RBL1: variants seen among roughly 807,000 people sequenced by gnomAD.
RBL1 encodes RB transcriptional corepressor like 1.
A neutral mutation model predicts 123.0 loss-of-function variants in RBL1; 82 were observed. That is an observed-to-expected ratio of 0.67 (90% CI 0.56 to 0.80). The LOEUF is 0.80. RBL1 is among the 30% of genes least tolerant of loss of function. The probability of loss-of-function intolerance (pLI) is 0.00; values close to 1 mark genes in which losing one functional copy is unlikely to be tolerated. For missense variants in RBL1, 1,171 were observed against 1,299.6 expected, an observed-to-expected ratio of 0.90 and a Z score of 1.52; for synonymous variants, 405 against 441.3, an observed-to-expected ratio of 0.92 and a Z score of 1.03.
chr20:37,016,155 G>A (rs182993572), intron 19 of RBL1, among the ~76,000 whole-genome samples: 188 of 150,732 alleles, frequency 1.2e-3, no homozygotes, highest in African/African-American at 4.4e-3. Flanking sequence ...AGCCTCCTAA[G>A]TAGCTGGGAT....
At position 37,035,385 on chromosome 20, in the gene RBL1, G is replaced by T; in HGVS notation, c.2027C>A (p.Thr676Lys). 6.2e-7 allele frequency: 1 copy of T among 1,614,054 alleles called. No homozygotes were observed. The highest frequency in any genetic ancestry group is 8.5e-7 in the Non-Finnish European group (1 of 1,179,996). ...PKEMLMDKIITEGTKLKIAPS... is the reference protein window; with the variant it reads ...PKEMLMDKIIKEGTKLKIAPS... ...AGCGATTTTCAATTTTGTTCCTTCTGTTATGATCTTGTCCATAAGCATTTC... is the reference window on the plus strand; with the variant it reads ...AGCGATTTTCAATTTTGTTCCTTCTTTTATGATCTTGTCCATAAGCATTTC... Residue 676 changes from threonine (T) to lysine (K), a missense_variant, in exon 15 of 22, where the codon ACA becomes AAA. Transcript: ENST00000373664.
At chr20:37,005,376 C>A (rs1372396331) in intron 20 of RBL1, among the ~76,000 whole-genome samples, 1 of 150,076 alleles carries the variant, frequency 6.7e-6, no homozygotes, top group African/African-American at 2.5e-5. Context: ...ACTTGCACTC[C>A]AGCCTGGGCA....
At chr20:37,046,640 T>C (rs2064822634) in intron 12 of RBL1, among the ~76,000 whole-genome samples, 1 of 150,580 alleles carries the variant, frequency 6.6e-6, no homozygotes. Context: ...AGAATTTTGC[T>C]CCTGTCGTCT....
In RBL1 at chr20:36,998,164, G is replaced by C. The variant is rs1295576137; in HGVS notation, c.*595C>G. 1 of 151,720 alleles carries C rather than the reference G, an allele frequency of 6.6e-6. No individual in the cohort carries two copies. Among genetic ancestry groups the C allele is most frequent in the Non-Finnish European group, 1.5e-5 (1 of 67,962 alleles). 9.4% of individuals were successfully genotyped at this position (151,720 alleles called of 1,614,324 possible). On this transcript the variant is annotated 3_prime_UTR_variant, in exon 22 of 22. Coordinates refer to ENST00000373664, the MANE Select transcript of RBL1 (RefSeq NM_002895.5). ...TAAAAGAGAGCTAAAAAGTTATGGG[G>C]TTTCTCCTTATTTCATCTTGAAAAC... is the stretch of plus-strand genomic sequence containing the variant.
chr20:37,067,180 T>C, intron 4 of RBL1, 53 bp downstream of exon 4: 7 of 1,562,282 alleles, frequency 4.5e-6, no homozygotes, highest in Non-Finnish European at 8.6e-7. Flanking sequence ...TCATGTCAAA[T>C]AGCACCAAGT....
At chr20:37,030,535 A>G (rs1331367734) in intron 16 of RBL1, among the ~76,000 whole-genome samples, 1 of 151,632 alleles carries the variant, frequency 6.6e-6, no homozygotes, top group Non-Finnish European at 1.5e-5. Flanking sequence ...CCTGGGCAAC[A>G]TGGTGAAACC....
intron 19 of RBL1, among the ~76,000 whole-genome samples, chr20:37,017,789 C>A (rs373417462): frequency 6.6e-6 from 1 of 152,030 alleles, no homozygotes; most frequent in East Asian, 1.9e-4. Flanking sequence ...TACCACCACA[C>A]CTAGCTAATT....
intron 21 of RBL1, among the ~76,000 whole-genome samples, chr20:37,000,416 T>TG (rs1261476458): frequency 1.2e-4 from 10 of 85,048 alleles, no homozygotes; most frequent in South Asian, 4.2e-4. Flanking sequence ...AGGAGGGAGG[T>TG]GGGGGGGTCA....
chr20:37,008,810 T>C (rs1412976401), intron 19 of RBL1, among the ~76,000 whole-genome samples: 2 of 150,554 alleles, frequency 1.3e-5, no homozygotes, highest in Non-Finnish European at 3.0e-5. Context: ...TTTTCACTTC[T>C]GCTATTTCTA....
chr20:37,055,443 A>C (rs1039593284), intron 11 of RBL1, 110 bp downstream of exon 11: 3 of 1,538,746 alleles, frequency 1.9e-6, no homozygotes, highest in African/African-American at 1.4e-5. Context: ...ATCCTGGCCA[A>C]GTGTGTCATA....
intron 9 of RBL1, among the ~76,000 whole-genome samples, chr20:37,058,137 A>AC (rs200725769): frequency 0.14 from 18,119 of 127,926 alleles, 1,638 homozygotes; most frequent in African/African-American, 0.2. Flanking sequence ...AAACAAAACA[A>AC]AACAAAAAAA....
intron 1 of RBL1, among the ~76,000 whole-genome samples, chr20:37,090,309 C>T (rs6103581): frequency 1.3e-4 from 20 of 152,136 alleles, no homozygotes; most frequent in African/African-American, 4.8e-4. Flanking sequence ...ACAAAATCAC[C>T]TAATGTTGCA....
chr20:37,041,592 G>A (rs1184862608), intron 13 of RBL1, among the ~76,000 whole-genome samples: 1 of 151,886 alleles, frequency 6.6e-6, no homozygotes, highest in Non-Finnish European at 1.5e-5. Flanking sequence ...CAAAGTGCTG[G>A]GATTATAGTC....
chr20:37,056,027 A>G (rs1229951677), intron 10 of RBL1, 119 bp downstream of exon 10: 2 of 1,451,108 alleles, frequency 1.4e-6, no homozygotes, highest in East Asian at 5.3e-5. Context: ...AGCCTGGGCA[A>G]CTCGGTCTCA....
chr20:37,035,281 T>C lies in RBL1; in HGVS notation c.2131A>G (p.Thr711Ala), dbSNP rs763218980. Reference sequence around the variant, plus strand: ...GTAACTTTATGTCCTGTTGTTCCTGTTACTGGGGCTGTGGCCATTGTTAGA... The same window carrying C: ...GTAACTTTATGTCCTGTTGTTCCTGCTACTGGGGCTGTGGCCATTGTTAGA... Reference protein sequence around the residue: ...TLLTMATAPVTGTTGHKVTIP... With the variant: ...TLLTMATAPVAGTTGHKVTIP... Residue 711 changes from threonine (T) to alanine (A), a missense_variant, in exon 15 of 22, where the codon ACA (threonine) becomes GCA (alanine). Transcript: ENST00000373664. The C allele has an allele frequency of 1.2e-6, 2 of 1,613,972 alleles. No individual in the cohort carries two copies. Among genetic ancestry groups the C allele is most frequent in the South Asian group, 1.1e-5 (1 of 91,076 alleles).
intron 15 of RBL1, among the ~76,000 whole-genome samples, chr20:37,034,859 T>C (rs2064577523): frequency 6.6e-6 from 1 of 152,016 alleles, no homozygotes; most frequent in South Asian, 2.1e-4. Flanking sequence ...TAGTGACAGA[T>C]ACATGTCATT....
intron 2 of RBL1, among the ~76,000 whole-genome samples, chr20:37,088,559 T>A (rs2065591392): frequency 6.6e-6 from 1 of 152,010 alleles, no homozygotes; most frequent in African/African-American, 2.4e-5. Context: ...ATGTTATAAC[T>A]TAGAATTAAA....
intron 19 of RBL1, among the ~76,000 whole-genome samples, chr20:37,017,805 A>ATT (rs560103409): frequency 2.0e-5 from 3 of 148,964 alleles, no homozygotes; most frequent in African/African-American, 4.9e-5. Context: ...TAATTTTTGT[A>ATT]TTTTTTTTTT....
intron 2 of RBL1, among the ~76,000 whole-genome samples, chr20:37,070,120 T>C (rs1044803651): frequency 6.6e-6 from 1 of 152,336 alleles, no homozygotes; most frequent in African/African-American, 2.4e-5. Context: ...TTTTGTTCTG[T>C]ACTAAGAAAA....
Sources: gnomAD v4.1 joint callset for allele counts (sites outside exome capture counted in the v4.1 genomes callset) on GRCh38, gnomAD v4.1.1 for gene constraint, MANE v1.5 for transcripts, NCBI Gene and HGNC (gene_info 2026-07-23, HGNC 2026-07-21) for gene names.